The following AHCYL2 variants were observed in gnomAD, a reference collection of about 807,000 sequenced individuals.
AHCYL2 encodes the protein adenosylhomocysteinase like 2.
Under a neutral mutation model 81.4 loss-of-function variants are expected in AHCYL2, and 28 were observed. That is an observed-to-expected ratio of 0.34 (90% CI 0.25 to 0.47). The LOEUF (loss-of-function observed/expected upper bound fraction) is 0.47. Ranked by LOEUF, AHCYL2 falls within the 20% of genes least tolerant of loss-of-function variation. The pLI is 1.00. For missense variants in AHCYL2, 551 were observed against 785.1 expected (o/e 0.70, Z 3.56); for synonymous variants, 272 against 290.2 (o/e 0.94, Z 0.64).
intron 1 of AHCYL2, among the ~76,000 whole-genome samples, chr7:129,333,534 T>C (rs945416229): frequency 2.6e-5 from 4 of 152,096 alleles, no homozygotes; most frequent in Admixed American, 2.6e-4. Context: ...GCTTAAATTA[T>C]AAATATTGAT....
At chr7:129,385,085 A>G (rs1339505425) in intron 2 of AHCYL2, among the ~76,000 whole-genome samples, 1 of 152,268 alleles carries the variant, frequency 6.6e-6, no homozygotes, top group African/African-American at 2.4e-5. Context: ...ATGAGGAAAG[A>G]AGACAGAAGT....
In AHCYL2 at chr7:129,424,935, C is replaced by T. The variant is rs1174978796; in HGVS notation, c.1622C>T (p.Thr541Ile). 4 of 1,613,954 alleles carry T rather than the reference C, an allele frequency of 2.5e-6. No homozygotes were observed. In the Admixed American group the frequency reaches 6.7e-5, roughly 27 times the overall value. ...ACATTTGTGCTCTCAATCACTGCTA[C>T]TACTCAGGTAAGGCTTCCAGAGTGG... is the stretch of plus-strand genomic sequence containing the variant. ...VPTFVLSITA[T>I]TQALALIELY... The change falls in exon 14 of 17, where the codon ACT (threonine) becomes ATT (isoleucine). Residue 541 changes from threonine (T) to isoleucine (I), a missense_variant. By Grantham distance (89) the Thr-to-Ile change is moderately conservative. Transcript: ENST00000325006.
intron 1 of AHCYL2, among the ~76,000 whole-genome samples, chr7:129,357,584 AGACTT>A (rs946450606): frequency 2.0e-5 from 3 of 152,184 alleles, no homozygotes; most frequent in African/African-American, 7.2e-5. Context: ...AACAGGCAAA[AGACTT>A]GAAAGACTCT....
In AHCYL2 at chr7:129,389,210, C is replaced by G; in HGVS notation, c.619+11C>G. On this transcript the variant is annotated intron_variant, in intron 3 of 16. Coordinates refer to ENST00000325006, the MANE Select transcript of AHCYL2 (RefSeq NM_015328.4). ...AAATTGCTGAACAAGGTAAAGAAAACAAGCACCTTTTCCTTCTTAACCTAC... is the reference window on the plus strand; with the variant it reads ...AAATTGCTGAACAAGGTAAAGAAAAGAAGCACCTTTTCCTTCTTAACCTAC... The G allele has an allele frequency of 6.2e-7, 1 of 1,613,688 alleles. No individual in the cohort carries two copies. The highest frequency in any genetic ancestry group is 8.5e-7 in the Non-Finnish European group (1 of 1,179,734).
At position 129,414,314 on chromosome 7, in the gene AHCYL2, C is replaced by T. The variant is rs181839763; in HGVS notation, c.1461+626C>T. ...TGTTCTTCAAACCTGGAAAATATATCACTTTGATTCTCTAATTTGGTTATA... is the reference window on the plus strand; with the variant it reads ...TGTTCTTCAAACCTGGAAAATATATTACTTTGATTCTCTAATTTGGTTATA... On this transcript the variant is annotated intron_variant, in intron 12 of 16. Transcript: ENST00000325006. 7.3e-4 allele frequency among the ~76,000 whole-genome samples: 111 copies of T among 152,234 alleles called. 1 individual carries two copies. The highest frequency in any genetic ancestry group is 2.6e-3 in the African/African-American group (108 of 41,562).
At chr7:129,242,718 A>G (rs1794908421) in intron 1 of AHCYL2, among the ~76,000 whole-genome samples, 2 of 139,906 alleles carry the variant, frequency 1.4e-5, no homozygotes, top group African/African-American at 2.7e-5. Flanking sequence ...TCTGTCTCAG[A>G]AAAAAAAAAA....
At chr7:129,274,808 C>T (rs1796142914) in intron 1 of AHCYL2, among the ~76,000 whole-genome samples, 1 of 152,090 alleles carries the variant, frequency 6.6e-6, no homozygotes, top group South Asian at 2.1e-4. Context: ...CAACTGTCAG[C>T]CTTAGGAGTG....
At position 129,426,552 on chromosome 7, in the gene AHCYL2, T is replaced by G. The variant is rs201825789; in HGVS notation, c.1818T>G (p.Pro606=). The part of the protein sequence containing the change: ...LGLNKNGPFK[P]NYYRY ...TCAACAAGAATGGGCCCTTCAAGCC[T>G]AATTACTACAGGTGCCTTGGGCTCC... Residue 606 remains proline, a synonymous_variant, in exon 16 of 17, where the codon CCT becomes CCG. Transcript: ENST00000325006. The surrounding 1 kb of genome is among the most constrained non-coding windows in gnomAD (Gnocchi z 4.3). 3.3e-5 allele frequency: 53 copies of G among 1,613,818 alleles called. No homozygotes were observed. The African/African-American group carries it at 5.5e-4, about 17-fold the overall frequency.
chr7:129,425,003 C>T, intron 14 of AHCYL2, 60 bp from the exon 15 acceptor site: 2 of 1,612,750 alleles, frequency 1.2e-6, no homozygotes, highest in Non-Finnish European at 8.5e-7. Context: ...CACCAGGTTT[C>T]ACTTGCTTGG....
intron 1 of AHCYL2, among the ~76,000 whole-genome samples, chr7:129,295,957 C>T (rs1335849376): frequency 1.3e-5 from 2 of 152,166 alleles, no homozygotes; most frequent in South Asian, 2.1e-4. Flanking sequence ...AGCTTCTCTG[C>T]GTTTATACTG....
At chr7:129,357,802 C>G (rs923675425) in intron 1 of AHCYL2, among the ~76,000 whole-genome samples, 5 of 151,466 alleles carry the variant, frequency 3.3e-5, no homozygotes, top group Admixed American at 3.3e-4. Flanking sequence ...GGCGTGGTGG[C>G]GGGCGCCTGT....
intron 1 of AHCYL2, among the ~76,000 whole-genome samples, chr7:129,244,577 C>T (rs1412424439): frequency 2.0e-5 from 3 of 152,246 alleles, no homozygotes; most frequent in African/African-American, 7.2e-5. Context: ...TTGCTGTGTC[C>T]TCACTTGGGG....
At chr7:129,269,446 T>G (rs1169924386) in intron 1 of AHCYL2, among the ~76,000 whole-genome samples, 1 of 152,072 alleles carries the variant, frequency 6.6e-6, no homozygotes, top group Non-Finnish European at 1.5e-5. Flanking sequence ...TTACCATGCC[T>G]GGCTAATTTT....
rs574394785 is a variant in AHCYL2, at chr7:129,249,530, A to G, written c.363+24091A>G. Among the ~76,000 whole-genome samples, 4 of 151,546 alleles carry G rather than the reference A, an allele frequency of 2.6e-5. No individual in the cohort carries two copies. The South Asian group carries it at 8.4e-4, about 32-fold the overall frequency. On this transcript the variant is annotated intron_variant, in intron 1 of 16. Coordinates refer to ENST00000325006, the MANE Select transcript of AHCYL2 (RefSeq NM_015328.4). ...AAGCTCCGCTTCCCGGGTTCACGCC[A>G]TTCTCCTGCCTCAGCCTCCCGAGTA...
intron 1 of AHCYL2, among the ~76,000 whole-genome samples, chr7:129,239,027 GGA>G (rs1472367971): frequency 1.2e-5 from 1 of 85,560 alleles, no homozygotes; most frequent in Non-Finnish European, 2.6e-5. Flanking sequence ...GTGCAATCAG[GGA>G]TCATTTACCT....
intron 14 of AHCYL2, 27 bp from the exon 15 acceptor site, chr7:129,425,036 T>TCAG: frequency 6.2e-7 from 1 of 1,612,166 alleles, no homozygotes. Flanking sequence ...GAATGGCACA[T>TCAG]CAGCATCCAT....
chr7:129,323,103 G>C (rs977439099), intron 1 of AHCYL2, among the ~76,000 whole-genome samples: 1 of 151,930 alleles, frequency 6.6e-6, no homozygotes, highest in Middle Eastern at 3.4e-3. Flanking sequence ...AATTTCTGCT[G>C]TGGAAAAAAA....
At chr7:129,256,373 T>C (rs1450608703) in intron 1 of AHCYL2, among the ~76,000 whole-genome samples, 3 of 152,216 alleles carry the variant, frequency 2.0e-5, no homozygotes, top group South Asian at 2.1e-4. Flanking sequence ...TAGTTTCTTA[T>C]GTCTTATTTA....
chr7:129,320,121 C>T (rs1797962936), intron 1 of AHCYL2, among the ~76,000 whole-genome samples: 1 of 152,112 alleles, frequency 6.6e-6, no homozygotes, highest in Non-Finnish European at 1.5e-5. Context: ...TCCATAATGT[C>T]TGATGATAAA....
Sources: gnomAD v4.1 joint callset for allele counts (sites outside exome capture counted in the v4.1 genomes callset) on GRCh38, gnomAD v4.1.1 for gene constraint, Gnocchi (gnomAD v3.1) non-coding constraint, MANE v1.5 for transcripts, NCBI Gene and HGNC (gene_info 2026-07-23, HGNC 2026-07-21) for gene names.